The following IQCH variants were observed in gnomAD, a reference collection of about 807,000 sequenced individuals.
The protein encoded by IQCH is IQ motif containing H, also known as IQ domain-containing protein H.
IQCH carries 98 observed loss-of-function variants against 117.0 expected under a neutral mutation model. The observed-to-expected ratio is 0.84, with a 90% CI of 0.71 to 0.99. The LOEUF is 0.99. Ranked by LOEUF, IQCH falls within the 50% of genes least tolerant of loss-of-function variation. IQCH has a pLI of 0.00. For synonymous variants in IQCH, 412 were observed against 448.2 expected, an observed-to-expected ratio of 0.92 and a Z score of 1.02; for missense variants, 1,102 against 1,243.8, an observed-to-expected ratio of 0.89 and a Z score of 1.72.
rs2081440697 is a variant in IQCH, at chr15:67,411,151, C to T, written c.2098-5780C>T. 6.6e-6 allele frequency among the ~76,000 whole-genome samples: 1 copy of T among 152,126 alleles called. No homozygotes were observed. The highest frequency in any genetic ancestry group is 1.5e-5 in the Non-Finnish European group (1 of 68,026). On this transcript the variant is annotated intron_variant, in intron 14 of 20. Coordinates refer to ENST00000335894, the MANE Select transcript of IQCH (RefSeq NM_001031715.3). This position sits in a 1 kb window ranked among gnomAD's most constrained non-coding sequence, Gnocchi z 4.4. ...CACACGGAGGCAGCCCTTCTAAATTCACCCTCAAATTTGGAACCCCTCCCT... is the reference window on the plus strand; with the variant it reads ...CACACGGAGGCAGCCCTTCTAAATTTACCCTCAAATTTGGAACCCCTCCCT...
chr15:67,276,304 A>G (rs181148427), intron 3 of IQCH, among the ~76,000 whole-genome samples: 1 of 152,340 alleles, frequency 6.6e-6, no homozygotes, highest in Non-Finnish European at 1.5e-5. Flanking sequence ...GCCTCCTGCT[A>G]AGTACAACTA....
At chr15:67,348,263 A>C (rs895227307) in intron 6 of IQCH, among the ~76,000 whole-genome samples, 12 of 152,110 alleles carry the variant, frequency 7.9e-5, no homozygotes, top group Non-Finnish European at 1.5e-4. Flanking sequence ...CAGTGAGGTA[A>C]GAAAAAGAAA....
chr15:67,319,884 A>C (rs1968031443), intron 4 of IQCH, among the ~76,000 whole-genome samples: 1 of 152,250 alleles, frequency 6.6e-6, no homozygotes, highest in Non-Finnish European at 1.5e-5. Flanking sequence ...ACACATACAT[A>C]CACATACAAT....
intron 16 of IQCH, among the ~76,000 whole-genome samples, chr15:67,435,528 G>A (rs550063049): frequency 6.6e-6 from 1 of 152,120 alleles, no homozygotes; most frequent in East Asian, 1.9e-4. Context: ...AGGTTGCAGT[G>A]AGCCAAGACT....
intron 3 of IQCH, among the ~76,000 whole-genome samples, chr15:67,264,713 A>G (rs573809257): frequency 1.1e-4 from 16 of 152,206 alleles, no homozygotes; most frequent in African/African-American, 2.6e-4. Context: ...GCCCACATTC[A>G]AAGAGAAGGG....
rs1364966705 is a variant in IQCH, at chr15:67,425,280, T to C, written c.2505+3703T>C. Among the ~76,000 whole-genome samples the C allele has an allele frequency of 1.3e-5, 2 of 152,210 alleles. No homozygotes were observed. Among genetic ancestry groups the C allele is most frequent in the Non-Finnish European group, 2.9e-5 (2 of 68,038 alleles). ...CAGATTGTCATTTGTGGCTTTCCTC[T>C]CTCTCTTTTTATTTTTGGCCATGTT... On this transcript the variant is annotated intron_variant, in intron 16 of 20. Transcript: ENST00000335894. This position sits in a 1 kb window ranked among gnomAD's most constrained non-coding sequence, Gnocchi z 5.5.
Position 67,404,322 on chromosome 15 carries a change from A to T in IQCH, c.2097+4017A>T, listed in dbSNP as rs1029162000. ...AGAGAATCATTAACCATTTCATGCC[A>T]TAGAGCTCCCTGCATCTCCACCTCC... On this transcript the variant is annotated intron_variant, in intron 14 of 20. Transcript: ENST00000335894. The surrounding 1 kb of genome is among the most constrained non-coding windows in gnomAD (Gnocchi z 4.6). 6.6e-6 allele frequency: 1 copy of T among 152,188 alleles called. No individual in the cohort carries two copies. Among genetic ancestry groups the T allele is most frequent in the South Asian group, 2.1e-4 (1 of 4,828 alleles). The allele number at this position is 152,188 out of a possible 1,614,324, so 9.4% of individuals were successfully genotyped here. A position where few individuals can be genotyped will look rare whatever the true frequency, so the allele number is the denominator to read the frequency against.
At position 67,453,637 on chromosome 15, in the gene IQCH, T is replaced by TG. The variant is rs1319631450; in HGVS notation, c.2506-11484dup. ...ATGTAAGGTGTCAGTCCGCCCCTAC[T>TG]GGGGGGTGCCTCCCAGTTAGGCTAC... On this transcript the variant is annotated intron_variant, in intron 16 of 20. Transcript: ENST00000335894. The surrounding 1 kb of genome is among the most constrained non-coding windows in gnomAD (Gnocchi z 5.8). 1.3e-5 allele frequency among the ~76,000 whole-genome samples: 2 copies of TG among 152,138 alleles called. No individual in the cohort carries two copies. Among genetic ancestry groups the TG allele is most frequent in the Non-Finnish European group, 2.9e-5 (2 of 68,002 alleles).
intron 4 of IQCH, among the ~76,000 whole-genome samples, chr15:67,318,241 C>T (rs1220894867): frequency 6.6e-6 from 1 of 151,952 alleles, no homozygotes. Flanking sequence ...CCCTTCCCTC[C>T]TTTTTGTTTC....
chr15:67,259,878 A>G (rs545460558), intron 1 of IQCH, among the ~76,000 whole-genome samples: 2 of 152,340 alleles, frequency 1.3e-5, no homozygotes, highest in African/African-American at 4.8e-5. Context: ...GTGTATTCAG[A>G]TTTCAATCTG....
At chr15:67,428,862 A>AAG (rs376864110) in intron 16 of IQCH, among the ~76,000 whole-genome samples, 39 of 150,334 alleles carry the variant, frequency 2.6e-4, no homozygotes, top group Middle Eastern at 6.9e-3. Context: ...AAAAAAAAAA[A>AAG]AGAGAGAGAG....
chr15:67,378,499 G>A (rs1970813382), intron 10 of IQCH, among the ~76,000 whole-genome samples: 1 of 148,908 alleles, frequency 6.7e-6, no homozygotes, highest in Admixed American at 6.8e-5. Context: ...TTCCCAGACA[G>A]CATTTCCCAG....
At chr15:67,332,475 A>G (rs545838236) in intron 4 of IQCH, among the ~76,000 whole-genome samples, 1 of 152,334 alleles carries the variant, frequency 6.6e-6, no homozygotes, top group East Asian at 1.9e-4. Flanking sequence ...ACACATGAAC[A>G]CTTGTTGGGA....
chr15:67,417,456 T>C lies in IQCH; in HGVS notation c.2218+405T>C, dbSNP rs1488541765. Among the ~76,000 whole-genome samples the C allele has an allele frequency of 3.2e-4, 49 of 152,328 alleles. No individual in the cohort carries two copies. Among genetic ancestry groups the C allele is most frequent in the Non-Finnish European group, 7.3e-5 (5 of 68,036 alleles). ...ATTCAATGAAATACAGATATGAAAG[T>C]TTCTACCACAGAACCTTACACAAAA... is the stretch of plus-strand genomic sequence containing the variant. On this transcript the variant is annotated intron_variant, in intron 15 of 20. Transcript: ENST00000335894. This position sits in a 1 kb window ranked among gnomAD's most constrained non-coding sequence, Gnocchi z 4.3.
In IQCH at chr15:67,357,384, C is replaced by G; in HGVS notation, c.677C>G (p.Ala226Gly). Reference sequence around the variant, plus strand: ...CCTCGGGAACCACCTCCATCTCCAGCAGAAGTGAAGTTCTTTCCCAAGAAA... The same window carrying G: ...CCTCGGGAACCACCTCCATCTCCAGGAGAAGTGAAGTTCTTTCCCAAGAAA... Reference protein sequence around the residue: ...TIPREPPPSPAEVKFFPKKQR... With the variant: ...TIPREPPPSPGEVKFFPKKQR... The change falls in exon 7 of 21, where the codon GCA becomes GGA. Residue 226 changes from alanine (A) to glycine (G), a missense_variant. By Grantham distance (60) the Ala-to-Gly change is moderately conservative. This residue lies in a region of IQCH where 452 missense variants were observed against 449.6 expected (regional missense o/e 1.01). Transcript: ENST00000335894. The G allele has an allele frequency of 6.2e-7, 1 of 1,610,650 alleles. No individual in the cohort carries two copies. Among genetic ancestry groups the G allele is most frequent in the Non-Finnish European group, 8.5e-7 (1 of 1,176,812 alleles).
intron 12 of IQCH, among the ~76,000 whole-genome samples, chr15:67,394,427 C>T (rs754691171): frequency 2.0e-5 from 3 of 152,128 alleles, no homozygotes; most frequent in Non-Finnish European, 4.4e-5. Context: ...CAGCATTCCC[C>T]ACCAGCAGGC....
At chr15:67,303,845 A>G (rs533740932) in intron 4 of IQCH, among the ~76,000 whole-genome samples, 27 of 152,302 alleles carry the variant, frequency 1.8e-4, no homozygotes, top group African/African-American at 6.5e-4. Flanking sequence ...CAGATAAGAG[A>G]ATCTCTGTGA....
At chr15:67,429,915 A>C (rs887473651) in intron 16 of IQCH, among the ~76,000 whole-genome samples, 2 of 152,222 alleles carry the variant, frequency 1.3e-5, no homozygotes, top group African/African-American at 2.4e-5. Flanking sequence ...GAATAGAAGA[A>C]GTTGTGGAAA....
At chr15:67,268,818 A>G (rs1330562126) in intron 3 of IQCH, among the ~76,000 whole-genome samples, 2 of 152,164 alleles carry the variant, frequency 1.3e-5, no homozygotes, top group Non-Finnish European at 2.9e-5. Context: ...CATGCATAAC[A>G]AGATGTTAAC....
Sources: gnomAD v4.1 joint callset for allele counts (sites outside exome capture counted in the v4.1 genomes callset) on GRCh38, gnomAD v4.1.1 for gene constraint, gnomAD v4.1.1 regional missense constraint, Gnocchi (gnomAD v3.1) non-coding constraint, MANE v1.5 for transcripts, NCBI Gene and HGNC (gene_info 2026-07-23, HGNC 2026-07-21) for gene names.